PDE7B: variants seen among roughly 807,000 people sequenced by gnomAD.
The protein encoded by PDE7B is phosphodiesterase 7B.
A neutral mutation model predicts 56.2 loss-of-function variants in PDE7B; 29 were observed. That is an observed-to-expected ratio of 0.52 (90% CI 0.38 to 0.70). PDE7B has a LOEUF of 0.70. PDE7B is among the 30% of genes least tolerant of loss of function. The pLI, the probability that PDE7B is intolerant of heterozygous loss-of-function variation, is 0.00. For missense variants in PDE7B, 490 were observed against 565.0 expected, an observed-to-expected ratio of 0.87 and a Z score of 1.35; for synonymous variants, 197 against 196.9, an observed-to-expected ratio of 1.00 and a Z score of 0.00.
intron 1 of PDE7B, among the ~76,000 whole-genome samples, chr6:135,933,985 C>CA (rs1256216289): frequency 6.6e-6 from 1 of 152,070 alleles, no homozygotes; most frequent in Non-Finnish European, 1.5e-5. Context: ...TCACAGTCCA[C>CA]AAAAAATAAA....
intron 2 of PDE7B, among the ~76,000 whole-genome samples, chr6:135,957,784 C>G (rs1774824324): frequency 6.6e-6 from 1 of 152,098 alleles, no homozygotes; most frequent in Admixed American, 6.5e-5. Context: ...CATGGTGACT[C>G]TAGAAGGTTA....
chr6:135,859,147 A>T (rs1279493692), intron 1 of PDE7B, among the ~76,000 whole-genome samples: 3 of 152,124 alleles, frequency 2.0e-5, no homozygotes, highest in Non-Finnish European at 1.5e-5. Context: ...AGTCATTCAC[A>T]AAAGTGTAGA....
At chr6:135,978,025 C>T (rs970115025) in intron 2 of PDE7B, among the ~76,000 whole-genome samples, 5 of 152,018 alleles carry the variant, frequency 3.3e-5, no homozygotes, top group Non-Finnish European at 5.9e-5. Context: ...CAAACCTGTA[C>T]GGTAATGCAT....
chr6:135,905,876 G>A (rs1029929839), intron 1 of PDE7B, among the ~76,000 whole-genome samples: 2 of 152,202 alleles, frequency 1.3e-5, no homozygotes, highest in East Asian at 3.8e-4. Flanking sequence ...GGTGGTCACA[G>A]GCATCGTTTT....
chr6:136,009,730 T>G (rs9402781), intron 2 of PDE7B, among the ~76,000 whole-genome samples: 51,819 of 152,078 alleles, frequency 0.34, 9,000 homozygotes, highest in Non-Finnish European at 0.37. Flanking sequence ...AAGGAGATTT[T>G]GGGCTAAGAC....
At chr6:136,036,279 T>C (rs565097678) in intron 2 of PDE7B, among the ~76,000 whole-genome samples, 2 of 152,192 alleles carry the variant, frequency 1.3e-5, no homozygotes, top group Admixed American at 6.5e-5. Flanking sequence ...TCTAATCAAG[T>C]AGACCGCTGA....
At chr6:136,072,253 G>A (rs776034576) in intron 2 of PDE7B, among the ~76,000 whole-genome samples, 16 of 152,160 alleles carry the variant, frequency 1.1e-4, no homozygotes, top group Non-Finnish European at 1.9e-4. Context: ...AAGACAAATC[G>A]AAATTGTCCT....
chr6:136,171,504 AATG>A (rs1370057107), intron 8 of PDE7B, among the ~76,000 whole-genome samples: 1 of 152,152 alleles, frequency 6.6e-6, no homozygotes, highest in Non-Finnish European at 1.5e-5. Context: ...AGCGTTGAGA[AATG>A]ATGGTCAGTG....
rs180799074 is a variant in PDE7B at position 135,930,758 on chromosome 6, C to T, written c.22-16706C>T. ...TCAACAATGCTATAAAAATTATTTT[C>T]GAGATATTCAGCTTCCGTATATCTT... On this transcript the variant is annotated intron_variant, in intron 1 of 12. Coordinates refer to ENST00000308191, the MANE Select transcript of PDE7B (RefSeq NM_018945.4). Among the ~76,000 whole-genome samples the T allele has an allele frequency of 1.7e-4, 26 of 152,222 alleles. No individual in the cohort carries two copies. The East Asian group carries it at 2.3e-3, about 14-fold the overall frequency.
At chr6:135,988,571 T>C (rs1455325743) in intron 2 of PDE7B, among the ~76,000 whole-genome samples, 2 of 152,128 alleles carry the variant, frequency 1.3e-5, no homozygotes, top group African/African-American at 4.8e-5. Context: ...ACCGAAGTAA[T>C]CTATAATATT....
chr6:135,855,230 T>G (rs1457154783), intron 1 of PDE7B, among the ~76,000 whole-genome samples: 10 of 152,230 alleles, frequency 6.6e-5, no homozygotes, highest in African/African-American at 1.9e-4. Context: ...TCCATTTACA[T>G]GTAAATGTAG....
chr6:135,920,501 C>G (rs1409113600), intron 1 of PDE7B, among the ~76,000 whole-genome samples: 1 of 152,126 alleles, frequency 6.6e-6, no homozygotes, highest in Non-Finnish European at 1.5e-5. Context: ...ATTTGCAGCT[C>G]CACCTCCTAA....
At chr6:136,009,783 G>A (rs936521276) in intron 2 of PDE7B, among the ~76,000 whole-genome samples, 7 of 152,084 alleles carry the variant, frequency 4.6e-5, no homozygotes, top group Non-Finnish European at 7.4e-5. Context: ...CTGCAAACAG[G>A]GACAATTTGA....
At chr6:136,173,670 G>T in intron 8 of PDE7B, 127 bp from the exon 9 acceptor site, 4 of 645,518 alleles carry the variant, frequency 6.2e-6, no homozygotes, top group South Asian at 5.5e-5. Flanking sequence ...TTTTTTTCCT[G>T]GTCTGCCTCT....
At chr6:135,855,137 C>T (rs1286211201) in intron 1 of PDE7B, among the ~76,000 whole-genome samples, 1 of 152,178 alleles carries the variant, frequency 6.6e-6, no homozygotes, top group Non-Finnish European at 1.5e-5. Flanking sequence ...GTAAGAGCAA[C>T]TGGTTGCGCT....
rs558590972 is a variant in PDE7B at position 136,116,251 on chromosome 6, C to A, written c.166+7437C>A. On this transcript the variant is annotated intron_variant, in intron 3 of 12. Coordinates refer to ENST00000308191, the MANE Select transcript of PDE7B (RefSeq NM_018945.4). The stretch of plus-strand genomic sequence containing the variant: ...GACTGACCTACATATGAGGACATAA[C>A]GTCATTAAGTAGGAAGAAGGTCCAA... Among the ~76,000 whole-genome samples the A allele has an allele frequency of 1.3e-4, 20 of 152,150 alleles. 1 individual carries two copies. The highest frequency in any genetic ancestry group is 4.6e-4 in the African/African-American group (19 of 41,494).
At chr6:136,026,370 G>A (rs909319548) in intron 2 of PDE7B, among the ~76,000 whole-genome samples, 2 of 152,114 alleles carry the variant, frequency 1.3e-5, no homozygotes, top group African/African-American at 4.8e-5. Flanking sequence ...AATCCACCCT[G>A]CTGGTCACAG....
At chr6:136,170,814 A>T (rs939244720) in intron 8 of PDE7B, among the ~76,000 whole-genome samples, 1 of 152,084 alleles carries the variant, frequency 6.6e-6, no homozygotes, top group Non-Finnish European at 1.5e-5. Flanking sequence ...TTCCTCTCTT[A>T]TAAAGCTACC....
At chr6:135,918,618 AAATT>A (rs1163627932) in intron 1 of PDE7B, among the ~76,000 whole-genome samples, 1 of 147,412 alleles carries the variant, frequency 6.8e-6, no homozygotes, top group Non-Finnish European at 1.5e-5. Flanking sequence ...TCCATTAAAT[AAATT>A]AAATAAATAA....
Sources: allele counts gnomAD v4.1 joint callset (sites outside exome capture counted in the v4.1 genomes callset), GRCh38; gene constraint gnomAD v4.1.1; transcripts MANE v1.5; gene names NCBI Gene and HGNC (gene_info 2026-07-23, HGNC 2026-07-21).